CDH11: variants seen among roughly 807,000 people sequenced by gnomAD.
CDH11 encodes the protein cadherin 11.
In CDH11, 11 loss-of-function variants were observed where a neutral mutation model predicts 67.8. That is an observed-to-expected ratio of 0.16 (90% CI 0.10 to 0.27). The LOEUF (loss-of-function observed/expected upper bound fraction) is 0.27, where lower values mean the gene tolerates loss of function less well. Among genes scored for constraint, CDH11 ranks in the 10% least tolerant of loss-of-function variants. The pLI is 1.00. For synonymous variants in CDH11, 419 were observed against 400.0 expected, an observed-to-expected ratio of 1.05 and a Z score of -0.57; for missense variants, 847 against 1,031.2, an observed-to-expected ratio of 0.82 and a Z score of 2.45.
At position 65,041,384 on chromosome 16, in the gene CDH11, TG is replaced by T. The variant is rs145496656; in HGVS notation, c.-173+12419del. ...TTCCACAAGCTGTGAAGAATAATCA[TG>T]TTCCATGATTATTCTCTCCATAGTA... On this transcript the variant is annotated intron_variant, in intron 2 of 12. Transcript: ENST00000268603. Among the ~76,000 whole-genome samples the T allele has an allele frequency of 7.5e-3, 996 of 132,872 alleles. 12 individuals are homozygous for T. Among genetic ancestry groups the T allele is most frequent in the African/African-American group, 0.023 (924 of 40,660 alleles). 87.2% of individuals were successfully genotyped at this position (132,872 alleles called of 152,430 possible). A position where few individuals can be genotyped will look rare whatever the true frequency, so the allele number is the denominator to read the frequency against.
intron 1 of CDH11, chr16:65,059,550 C>T (rs1343267826): frequency 1.3e-5 from 2 of 152,162 alleles, no homozygotes; most frequent in African/African-American, 4.8e-5. Context: ...GGTCAGGAGG[C>T]TCAGGCAGCC....
rs888910860 is a variant in CDH11, at chr16:64,944,546, A to C, written c.*3057T>G. On this transcript the variant is annotated 3_prime_UTR_variant, in exon 13 of 13. Transcript: ENST00000268603. ...CCCCATTCACCCCCATTGTCTTATA[A>C]AGTTTCTCAAAAAGATGTGAAGGAT... The C allele has an allele frequency of 4.3e-6, 1 of 232,588 alleles. No individual in the cohort carries two copies. Among genetic ancestry groups the C allele is most frequent in the African/African-American group, 2.2e-5 (1 of 45,264 alleles). 14.4% of individuals were successfully genotyped at this position (232,588 alleles called of 1,614,324 possible). A position where few individuals can be genotyped will look rare whatever the true frequency, so the allele number is the denominator to read the frequency against.
At position 65,005,001 on chromosome 16, in the gene CDH11, G is replaced by A. The variant is rs1482111224; in HGVS notation, c.-132C>T. 3.5e-6 allele frequency: 5 copies of A among 1,416,506 alleles called. No individual in the cohort carries two copies. In the African/African-American group the frequency reaches 5.8e-5, roughly 17 times the overall value. 87.7% of individuals were successfully genotyped at this position (1,416,506 alleles called of 1,614,324 possible). A position where few individuals can be genotyped will look rare whatever the true frequency, so the allele number is the denominator to read the frequency against. On this transcript the variant is annotated 5_prime_UTR_variant, in exon 3 of 13. Transcript: ENST00000268603. ...TTGGGATGGAATGTCTCTGCTGGTT[G>A]AGCTCATCACGTCAGGGCTGCCCAC...
intron 3 of CDH11, among the ~76,000 whole-genome samples, chr16:65,002,623 A>G (rs1446474339): frequency 6.6e-6 from 1 of 152,192 alleles, no homozygotes; most frequent in African/African-American, 2.4e-5. Flanking sequence ...AACTTACACA[A>G]TGTCATTGAG....
chr16:65,046,319 G>T (rs377074201), intron 2 of CDH11, among the ~76,000 whole-genome samples: 1 of 152,200 alleles, frequency 6.6e-6, no homozygotes, highest in Non-Finnish European at 1.5e-5. Context: ...AGTGTGGAGA[G>T]CATGCTCACC....
At chr16:65,076,503 C>T (rs893881678) in intron 1 of CDH11, among the ~76,000 whole-genome samples, 1 of 152,168 alleles carries the variant, frequency 6.6e-6, no homozygotes, top group Admixed American at 6.5e-5. Context: ...TGTGGGCTCC[C>T]TTTGATCCAG....
intron 11 of CDH11, among the ~76,000 whole-genome samples, chr16:64,971,212 C>A (rs986980148): frequency 1.9e-4 from 29 of 152,138 alleles, no homozygotes; most frequent in Admixed American, 1.8e-3. Context: ...CAAAGTTGAA[C>A]TAATCTCTTT....
chr16:64,988,441 G>T, intron 6 of CDH11, 97 bp from the exon 7 acceptor site: 1 of 1,125,000 alleles, frequency 8.9e-7, no homozygotes, highest in African/African-American at 1.6e-5. Flanking sequence ...CAAAGGATTT[G>T]AAATTGAACT....
chr16:65,113,824 T>C (rs913454971), intron 1 of CDH11, among the ~76,000 whole-genome samples: 7 of 152,156 alleles, frequency 4.6e-5, no homozygotes, highest in Middle Eastern at 3.2e-3. Flanking sequence ...ACCGCACCCC[T>C]CTGCCCACCC....
chr16:65,093,099 G>A (rs1373310637), intron 1 of CDH11, among the ~76,000 whole-genome samples: 1 of 151,334 alleles, frequency 6.6e-6, no homozygotes, highest in Non-Finnish European at 1.5e-5. Flanking sequence ...ACCACACTCA[G>A]CTAATTTTAT....
chr16:65,105,302 A>C (rs2075049753), intron 1 of CDH11, among the ~76,000 whole-genome samples: 1 of 152,200 alleles, frequency 6.6e-6, no homozygotes, highest in South Asian at 2.1e-4. Flanking sequence ...CCGAATATAG[A>C]GGGAGACTGG....
chr16:64,983,309 G>C (rs375363278), intron 7 of CDH11: 1 of 152,276 alleles, frequency 6.6e-6, no homozygotes. Context: ...TTTTGAATGA[G>C]AGGAGTTACA....
At chr16:65,114,125 C>T (rs984970690) in intron 1 of CDH11, among the ~76,000 whole-genome samples, 1 of 152,138 alleles carries the variant, frequency 6.6e-6, no homozygotes, top group African/African-American at 2.4e-5. Context: ...TAATGAATCA[C>T]CTGTTCACCT....
chr16:64,978,718 T>C (rs2072246930), intron 8 of CDH11, among the ~76,000 whole-genome samples: 1 of 152,198 alleles, frequency 6.6e-6, no homozygotes, highest in Non-Finnish European at 1.5e-5. Context: ...AGTGCTGGAA[T>C]AATTGGATAT....
intron 2 of CDH11, among the ~76,000 whole-genome samples, chr16:65,035,251 T>A (rs2073730312): frequency 6.6e-6 from 1 of 152,314 alleles, no homozygotes; most frequent in African/African-American, 2.4e-5. Context: ...GGCTTGGTGA[T>A]CATTATCTTA....
chr16:65,047,359 G>GT (rs202065971), intron 2 of CDH11, among the ~76,000 whole-genome samples: 28 of 148,314 alleles, frequency 1.9e-4, no homozygotes, highest in Admixed American at 4.0e-4. Context: ...TTTGTTTTTG[G>GT]TTTTTTTTTT....
At chr16:64,993,692 C>T (rs1465545934) in intron 4 of CDH11, among the ~76,000 whole-genome samples, 1 of 152,004 alleles carries the variant, frequency 6.6e-6, no homozygotes, top group East Asian at 1.9e-4. Flanking sequence ...TGGGTCAGAA[C>T]GAAGGGAAAC....
intron 2 of CDH11, among the ~76,000 whole-genome samples, chr16:65,018,479 T>C (rs1244986520): frequency 6.6e-6 from 1 of 152,178 alleles, no homozygotes; most frequent in Admixed American, 6.5e-5. Flanking sequence ...AAGGTAAGAA[T>C]ACTCACATAG....
At chr16:64,977,487 C>T (rs1425654719) in intron 8 of CDH11, among the ~76,000 whole-genome samples, 1 of 152,112 alleles carries the variant, frequency 6.6e-6, no homozygotes, top group Admixed American at 6.6e-5. Context: ...TTCTAATGCA[C>T]CTCGATATTC....
Sources: allele counts gnomAD v4.1 joint callset (sites outside exome capture counted in the v4.1 genomes callset), GRCh38; gene constraint gnomAD v4.1.1; transcripts MANE v1.5; gene names NCBI Gene and HGNC (gene_info 2026-07-23, HGNC 2026-07-21).